CSMD2: variants seen among roughly 807,000 people sequenced by gnomAD.
CSMD2 encodes CUB and sushi domain-containing protein 2.
In CSMD2, 130 loss-of-function variants were observed where a neutral mutation model predicts 398.5. The ratio of observed to expected loss-of-function variants is 0.33; its 90% CI spans 0.28 to 0.38. The LOEUF (loss-of-function observed/expected upper bound fraction) is 0.38. CSMD2 is among the 10% of genes least tolerant of loss of function. CSMD2 has a pLI of 1.00. For missense variants in CSMD2, 3,829 were observed against 4,764.9 expected, an observed-to-expected ratio of 0.80 and a Z score of 5.78; for synonymous variants, 1,828 against 1,908.5, an observed-to-expected ratio of 0.96 and a Z score of 1.10.
At chr1:33,726,943 G>T (rs1192237351) in intron 15 of CSMD2, among the ~76,000 whole-genome samples, 3 of 152,136 alleles carry the variant, frequency 2.0e-5, no homozygotes, top group African/African-American at 7.2e-5. Flanking sequence ...ATTCTAGAAG[G>T]GCTGAAGTAC....
intron 12 of CSMD2, among the ~76,000 whole-genome samples, chr1:33,779,512 C>T (rs189937369): frequency 1.8e-4 from 28 of 152,264 alleles, no homozygotes; most frequent in African/African-American, 6.3e-4. Flanking sequence ...ACCATATTTC[C>T]TCAGTGTTAT....
intron 19 of CSMD2, among the ~76,000 whole-genome samples, chr1:33,719,123 TC>T (rs1646271171): frequency 6.6e-6 from 1 of 152,070 alleles, no homozygotes; most frequent in Non-Finnish European, 1.5e-5. Flanking sequence ...TTCACGGGGG[TC>T]AAAATCCTTG....
chr1:33,997,475 A>T (rs1646763929), intron 3 of CSMD2, among the ~76,000 whole-genome samples: 2 of 152,204 alleles, frequency 1.3e-5, no homozygotes, highest in Non-Finnish European at 1.5e-5. Flanking sequence ...TTGGGACCGC[A>T]TCCCAGCTCA....
At chr1:34,146,870 G>A (rs1639814969) in intron 1 of CSMD2, among the ~76,000 whole-genome samples, 1 of 152,166 alleles carries the variant, frequency 6.6e-6, no homozygotes, top group African/African-American at 2.4e-5. Context: ...GAGTTATGCG[G>A]TTCTGGAGTT....
chr1:33,918,402 A>T, intron 4 of CSMD2, 101 bp from the exon 5 acceptor site: 1 of 935,122 alleles, frequency 1.1e-6, no homozygotes, highest in Non-Finnish European at 1.6e-6. Flanking sequence ...GTCTCCCAAG[A>T]GTACAATTCA....
At chr1:33,706,841 C>T (rs116716244) in intron 22 of CSMD2, among the ~76,000 whole-genome samples, 1,781 of 150,666 alleles carry the variant, frequency 0.012, 28 homozygotes, top group African/African-American at 0.041. Context: ...TGTGTGTGTG[C>T]GTGTGTGCAT....
At chr1:33,523,675 C>T (rs553898625) in intron 66 of CSMD2, among the ~76,000 whole-genome samples, 1 of 152,282 alleles carries the variant, frequency 6.6e-6, no homozygotes, top group South Asian at 2.1e-4. Context: ...GGTTGTGATG[C>T]TATTGACACA....
intron 2 of CSMD2, among the ~76,000 whole-genome samples, chr1:34,048,081 T>C (rs1257897125): frequency 1.3e-5 from 2 of 152,166 alleles, no homozygotes; most frequent in Non-Finnish European, 2.9e-5. Flanking sequence ...GCACCACGTG[T>C]CAGGAGGTTG....
At chr1:34,084,380 G>T (rs2148349404) in intron 2 of CSMD2, among the ~76,000 whole-genome samples, 1 of 152,272 alleles carries the variant, frequency 6.6e-6, no homozygotes, top group Non-Finnish European at 1.5e-5. Flanking sequence ...ATTGACAAAT[G>T]GGATCTAATT....
intron 13 of CSMD2, among the ~76,000 whole-genome samples, chr1:33,769,719 GAAC>G (rs1367474416): frequency 6.6e-6 from 1 of 152,030 alleles, no homozygotes; most frequent in Non-Finnish European, 1.5e-5. Flanking sequence ...TTCAAGAGAA[GAAC>G]AATACAATAC....
At chr1:34,150,613 G>A (rs1227309579) in intron 1 of CSMD2, among the ~76,000 whole-genome samples, 1 of 152,144 alleles carries the variant, frequency 6.6e-6, no homozygotes, top group African/African-American at 2.4e-5. Flanking sequence ...GGGCCTGAGT[G>A]TTCAACAAGG....
At chr1:33,802,604 G>A (rs185283725) in intron 10 of CSMD2, among the ~76,000 whole-genome samples, 21 of 152,266 alleles carry the variant, frequency 1.4e-4, no homozygotes, top group African/African-American at 3.1e-4. Context: ...ATCCTCCTGC[G>A]TAGGTGTCAG....
intron 25 of CSMD2, among the ~76,000 whole-genome samples, chr1:33,666,027 T>C (rs932145654): frequency 6.6e-6 from 1 of 152,172 alleles, no homozygotes; most frequent in Non-Finnish European, 1.5e-5. Context: ...AGAATCCTGA[T>C]TCTCCCTACT....
chr1:33,781,350 T>C lies in CSMD2; in HGVS notation c.1663+7250A>G, dbSNP rs531755198. Among the ~76,000 whole-genome samples the C allele has an allele frequency of 1.1e-4, 17 of 152,348 alleles. No homozygotes were observed. In the South Asian group the frequency reaches 2.1e-3, roughly 19 times the overall value. On this transcript the variant is annotated intron_variant, in intron 12 of 70. Transcript: ENST00000373381. ...TGAGCAAGATTTGCTGCCCCTCCTTTGTATTTCCCTGTCTTCTAGCACTTG... is the reference window on the plus strand; with the variant it reads ...TGAGCAAGATTTGCTGCCCCTCCTTCGTATTTCCCTGTCTTCTAGCACTTG...
Position 34,082,471 on chromosome 1 carries a change from C to T in CSMD2, c.404+6506G>A, listed in dbSNP as rs534743659. Among the ~76,000 whole-genome samples the T allele has an allele frequency of 2.1e-3, 324 of 151,516 alleles. 1 individual carries two copies. The highest frequency in any genetic ancestry group is 3.4e-3 in the Non-Finnish European group (230 of 67,800). The stretch of plus-strand genomic sequence containing the variant: ...CTGAGAGGTGAGGGGCGCCCACGCC[C>T]GGCAGCCACCCTGTCTGGGAGGTGG... On this transcript the variant is annotated intron_variant, in intron 2 of 70. Coordinates refer to ENST00000373381, the MANE Select transcript of CSMD2 (RefSeq NM_001281956.2).
intron 52 of CSMD2, among the ~76,000 whole-genome samples, chr1:33,568,853 A>G (rs1267746701): frequency 1.3e-5 from 2 of 152,088 alleles, no homozygotes; most frequent in African/African-American, 4.8e-5. Context: ...GGGGTCCAAG[A>G]AAGGTGTGAG....
chr1:33,980,695 C>T (rs548000994), intron 3 of CSMD2, among the ~76,000 whole-genome samples: 5 of 152,320 alleles, frequency 3.3e-5, no homozygotes, highest in African/African-American at 1.2e-4. Flanking sequence ...GGTGCTAAGT[C>T]CCTGCTCTCT....
At chr1:33,564,151 G>A (rs904705620) in intron 53 of CSMD2, among the ~76,000 whole-genome samples, 1 of 152,104 alleles carries the variant, frequency 6.6e-6, no homozygotes, top group Non-Finnish European at 1.5e-5. Flanking sequence ...ATCAGACACC[G>A]GTCTAACTAT....
At chr1:33,954,405 T>C (rs1437429428) in intron 3 of CSMD2, among the ~76,000 whole-genome samples, 1 of 149,006 alleles carries the variant, frequency 6.7e-6, no homozygotes, top group African/African-American at 2.5e-5. Flanking sequence ...CTGTTGGTGG[T>C]GGGGGGAGGG....
Sources: gnomAD v4.1 joint callset for allele counts (sites outside exome capture counted in the v4.1 genomes callset) on GRCh38, gnomAD v4.1.1 for gene constraint, MANE v1.5 for transcripts, NCBI Gene and HGNC (gene_info 2026-07-23, HGNC 2026-07-21) for gene names.